Variants in NSL1 observed in about 807,000 individuals in gnomAD.
The protein encoded by NSL1 is NSL1 component of MIS12 kinetochore complex.
Under a neutral mutation model 25.4 loss-of-function variants are expected in NSL1, and 11 were observed. The observed-to-expected ratio is 0.43, with a 90% CI of 0.27 to 0.72. NSL1 has a LOEUF of 0.72. NSL1 is among the 30% of genes least tolerant of loss of function. The pLI is 0.19. For synonymous variants in NSL1, 118 were observed against 120.6 expected (o/e 0.98, Z 0.14); for missense variants, 330 against 342.7 (o/e 0.96, Z 0.29).
intron 4 of NSL1, among the ~76,000 whole-genome samples, chr1:212,745,181 T>C (rs540497499): frequency 3.9e-4 from 9 of 23,032 alleles, no homozygotes; most frequent in Non-Finnish European, 1.3e-3. Context: ...TATATATATA[T>C]ATATATATAT....
intron 4 of NSL1, among the ~76,000 whole-genome samples, chr1:212,759,060 T>C (rs1307387236): frequency 6.6e-6 from 1 of 152,090 alleles, no homozygotes; most frequent in Non-Finnish European, 1.5e-5. Context: ...AACAACTGGA[T>C]ATATACATAC....
chr1:212,753,570 G>A (rs745905627), intron 4 of NSL1, among the ~76,000 whole-genome samples: 28 of 152,130 alleles, frequency 1.8e-4, no homozygotes, highest in Admixed American at 1.8e-3. Flanking sequence ...AAACTCTATA[G>A]AGTAAGAACT....
chr1:212,791,398 C>G, intron 1 of NSL1, 132 bp downstream of exon 1: 2 of 808,680 alleles, frequency 2.5e-6, no homozygotes, highest in Non-Finnish European at 4.1e-6. Flanking sequence ...TAGCGTTTCT[C>G]GAACTGGTTC....
intron 4 of NSL1, among the ~76,000 whole-genome samples, chr1:212,780,797 T>G (rs556910166): frequency 6.6e-6 from 1 of 152,308 alleles, no homozygotes; most frequent in South Asian, 2.1e-4. Flanking sequence ...ATACAATATA[T>G]CCTTATAAAC....
At chr1:212,743,950 T>G (rs1465802486) in intron 4 of NSL1, among the ~76,000 whole-genome samples, 1 of 152,180 alleles carries the variant, frequency 6.6e-6, no homozygotes, top group African/African-American at 2.4e-5. Context: ...AGTGGCTCTC[T>G]GAAGGACTAA....
chr1:212,755,704 C>A (rs187900325), intron 4 of NSL1, among the ~76,000 whole-genome samples: 1 of 151,600 alleles, frequency 6.6e-6, no homozygotes, highest in African/African-American at 2.4e-5. Context: ...TGGGATGTGA[C>A]AGATTGGGAG....
Position 212,734,724 on chromosome 1 carries a change from CTGAT to C in NSL1, c.*3680_*3683del, listed in dbSNP as rs571148221. Among the ~76,000 whole-genome samples, 1 of 152,288 alleles carries C rather than the reference CTGAT, an allele frequency of 6.6e-6. No homozygotes were observed. The highest frequency in any genetic ancestry group is 2.4e-5 in the African/African-American group (1 of 41,558). ...TGTTCTTTATTCCTGTATTCCTTCCCTGATTATTTGCCTAAAACATTCAAGACTG... is the reference window on the plus strand; with the variant it reads ...TGTTCTTTATTCCTGTATTCCTTCCCTATTTGCCTAAAACATTCAAGACTG... On this transcript the variant is annotated 3_prime_UTR_variant, in exon 6 of 6. Coordinates refer to ENST00000366977, the MANE Select transcript of NSL1 (RefSeq NM_015471.4).
Position 212,784,451 on chromosome 1 carries a change from A to G in NSL1, c.356T>C (p.Ile119Thr). Reference protein sequence around the residue: ...KVLEDQFDEIIVDIATKRKQY... With the variant: ...KVLEDQFDEITVDIATKRKQY... ...CTTACGTTTTGTGGCTATATCTACT[A>G]TGATTTCATCAAACTGATCTTCAAG... The change falls in exon 3 of 6, where the codon ATA becomes ACA. Residue 119 changes from isoleucine (I) to threonine (T), a missense_variant. Physicochemically the swap from Ile to Thr is moderately conservative, Grantham distance 89. Coordinates refer to ENST00000366977, the MANE Select transcript of NSL1 (RefSeq NM_015471.4). The G allele has an allele frequency of 1.1e-5, 18 of 1,587,842 alleles. No homozygotes were observed. Among genetic ancestry groups the G allele is most frequent in the Non-Finnish European group, 1.6e-5 (18 of 1,160,518 alleles).
rs951870752 is a variant in NSL1, at chr1:212,731,588, T to G, written c.*6820A>C. On this transcript the variant is annotated 3_prime_UTR_variant, in exon 6 of 6. Transcript: ENST00000366977. ...TCTATGAGGCTTCTATCAAAAATTA[T>G]CAGTCCCTGGCCCAGTTCCCCCACC... is the stretch of plus-strand genomic sequence containing the variant. 1 of 985,300 alleles carries G rather than the reference T, an allele frequency of 1.0e-6. No homozygotes were observed. Among genetic ancestry groups the G allele is most frequent in the African/African-American group, 1.7e-5 (1 of 57,244 alleles). The allele number at this position is 985,300 out of a possible 1,614,324, so 61.0% of individuals were successfully genotyped here.
chr1:212,727,600 T>C lies in NSL1; in HGVS notation c.*10808A>G, dbSNP rs757878917. On this transcript the variant is annotated 3_prime_UTR_variant, in exon 6 of 6. Coordinates refer to ENST00000366977, the MANE Select transcript of NSL1 (RefSeq NM_015471.4). Reference sequence around the variant, plus strand: ...ACTTTATGACTCAGTTGTCTGGAAGTTGTTTTGTAACCTTCTAAAATTCAC... The same window carrying C: ...ACTTTATGACTCAGTTGTCTGGAAGCTGTTTTGTAACCTTCTAAAATTCAC... The C allele has an allele frequency of 1.8e-4, 182 of 985,312 alleles. No individual in the cohort carries two copies. Among genetic ancestry groups the C allele is most frequent in the Non-Finnish European group, 2.1e-4 (178 of 829,904 alleles). The allele number at this position is 985,312 out of a possible 1,614,324, so 61.0% of individuals were successfully genotyped here.
At chr1:212,787,102 G>A (rs1443718693) in intron 2 of NSL1, among the ~76,000 whole-genome samples, 1 of 151,562 alleles carries the variant, frequency 6.6e-6, no homozygotes, top group Non-Finnish European at 1.5e-5. Context: ...GACAGAGGTT[G>A]CAGTGAACTG....
chr1:212,758,650 G>A (rs530917096), intron 4 of NSL1, among the ~76,000 whole-genome samples: 42 of 152,272 alleles, frequency 2.8e-4, no homozygotes, highest in African/African-American at 7.9e-4. Flanking sequence ...TTTCCAGATG[G>A]AAAGCCATCC....
chr1:212,771,607 C>T (rs997924011), intron 4 of NSL1, among the ~76,000 whole-genome samples: 3 of 124,842 alleles, frequency 2.4e-5, no homozygotes, highest in Non-Finnish European at 5.3e-5. Flanking sequence ...CCTAAAGACT[C>T]CACCAAAAAA....
chr1:212,778,102 G>C (rs1162400934), intron 4 of NSL1, among the ~76,000 whole-genome samples: 1 of 152,196 alleles, frequency 6.6e-6, no homozygotes, highest in Non-Finnish European at 1.5e-5. Flanking sequence ...GGTATGAGGA[G>C]CTTGACAGAA....
At chr1:212,781,918 C>CA (rs1414143606) in intron 4 of NSL1, 4 of 349,020 alleles carry the variant, frequency 1.1e-5, no homozygotes, top group Admixed American at 6.9e-5. Flanking sequence ...AGTTCAAAGG[C>CA]ATAATGAGTA....
In NSL1 at chr1:212,739,613, T is replaced by C. The variant is rs377430572; in HGVS notation, c.500-12A>G. 2.5e-6 allele frequency: 4 copies of C among 1,612,512 alleles called. No homozygotes were observed. Among genetic ancestry groups the C allele is most frequent in the Non-Finnish European group, 3.4e-6 (4 of 1,179,134 alleles). ...TTCCATATGAGGGGCTGCAAAAACA[T>C]TGCCAAACAGTATTTTAGGTTTTTA... On this transcript the variant is annotated splice_polypyrimidine_tract_variant and intron_variant, in intron 4 of 5. Coordinates refer to ENST00000366977, the MANE Select transcript of NSL1 (RefSeq NM_015471.4).
In NSL1 at chr1:212,788,291, T is replaced by C. The variant is rs186598652; in HGVS notation, c.235-654A>G. On this transcript the variant is annotated intron_variant, in intron 1 of 5. Transcript: ENST00000366977. ...AGCCAGGCACAGTGGCACATGCCTG[T>C]AGTCCCGGCTACTTGAAAGGCTGAG... 2.4e-3 allele frequency among the ~76,000 whole-genome samples: 367 copies of C among 152,294 alleles called. 1 individual carries two copies. The highest frequency in any genetic ancestry group is 7.1e-3 in the African/African-American group (294 of 41,552).
At position 212,728,637 on chromosome 1, in the gene NSL1, GATGAGTGAAGGGA is replaced by G; in HGVS notation, c.*9758_*9770del. The G allele has an allele frequency of 1.0e-6, 1 of 985,450 alleles. No individual in the cohort carries two copies. The highest frequency in any genetic ancestry group is 1.2e-6 in the Non-Finnish European group (1 of 829,938). The allele number at this position is 985,450 out of a possible 1,614,324, so 61.0% of individuals were successfully genotyped here. A position where few individuals can be genotyped will look rare whatever the true frequency, so the allele number is the denominator to read the frequency against. On this transcript the variant is annotated 3_prime_UTR_variant, in exon 6 of 6. Coordinates refer to ENST00000366977, the MANE Select transcript of NSL1 (RefSeq NM_015471.4). ...TCTGAGAATTCTGAGGCTCTGATCT[GATGAGTGAAGGGA>G]ACCACAGGCTTATCTGCACATCACT...
chr1:212,754,333 G>A (rs564226588), intron 4 of NSL1, among the ~76,000 whole-genome samples: 60 of 152,234 alleles, frequency 3.9e-4, no homozygotes, highest in Non-Finnish European at 7.1e-4. Context: ...CAGGCCTACC[G>A]GTAAGCAGAA....
Sources: gnomAD v4.1 joint callset for allele counts (sites outside exome capture counted in the v4.1 genomes callset) on GRCh38, gnomAD v4.1.1 for gene constraint, MANE v1.5 for transcripts, NCBI Gene and HGNC (gene_info 2026-07-23, HGNC 2026-07-21) for gene names.